Variants in SYN3 observed in about 807,000 individuals in gnomAD.
The protein encoded by SYN3 is synapsin III.
A neutral mutation model predicts 65.8 loss-of-function variants in SYN3; 35 were observed. The ratio of observed to expected loss-of-function variants is 0.53; its 90% CI spans 0.41 to 0.70. The LOEUF (loss-of-function observed/expected upper bound fraction) is 0.70, where lower values mean the gene tolerates loss of function less well. SYN3 is among the 30% of genes least tolerant of loss of function. The pLI, the probability that SYN3 is intolerant of heterozygous loss-of-function variation, is 0.00. For synonymous variants in SYN3, 270 were observed against 292.9 expected (o/e 0.92, Z 0.80); for missense variants, 680 against 749.0 (o/e 0.91, Z 1.08).
intron 6 of SYN3, among the ~76,000 whole-genome samples, chr22:32,699,813 A>G (rs1209165262): frequency 6.6e-6 from 1 of 152,164 alleles, no homozygotes; most frequent in Non-Finnish European, 1.5e-5. Context: ...TAATGGGAAT[A>G]TCAGAGTCTA....
At chr22:32,776,095 C>T (rs1028224225) in intron 6 of SYN3, among the ~76,000 whole-genome samples, 3 of 152,060 alleles carry the variant, frequency 2.0e-5, no homozygotes, top group African/African-American at 4.8e-5. Context: ...TCACAGAGGA[C>T]GAGGCCAGGC....
intron 4 of SYN3, among the ~76,000 whole-genome samples, chr22:32,876,172 C>T (rs1029987815): frequency 1.3e-5 from 2 of 152,118 alleles, no homozygotes; most frequent in African/African-American, 2.4e-5. Flanking sequence ...TCTGCTGAGG[C>T]CCCCTTCCTA....
chr22:32,850,990 T>G (rs12168216), intron 6 of SYN3, among the ~76,000 whole-genome samples: 8,316 of 152,220 alleles, frequency 0.055, 274 homozygotes, highest in Middle Eastern at 0.085. Flanking sequence ...TTTGCAAACA[T>G]CCACAGCCTT....
At chr22:32,594,540 T>G (rs979947732) in intron 7 of SYN3, among the ~76,000 whole-genome samples, 2 of 151,480 alleles carry the variant, frequency 1.3e-5, no homozygotes, top group Admixed American at 6.6e-5. Flanking sequence ...CAGGCTGGAG[T>G]GCAATGGCGT....
chr22:32,604,005 C>T (rs1192792003), intron 6 of SYN3, among the ~76,000 whole-genome samples: 1 of 152,234 alleles, frequency 6.6e-6, no homozygotes, highest in African/African-American at 2.4e-5. Flanking sequence ...AGTGCCTATG[C>T]TGGGTGTTCC....
At chr22:32,641,502 G>GA (rs1291516080) in intron 6 of SYN3, among the ~76,000 whole-genome samples, 2 of 151,786 alleles carry the variant, frequency 1.3e-5, no homozygotes, top group African/African-American at 4.8e-5. Context: ...CAGCTACTCG[G>GA]GAGGCTGAGG....
At chr22:32,962,299 C>A (rs2051680701) in intron 3 of SYN3, among the ~76,000 whole-genome samples, 1 of 151,878 alleles carries the variant, frequency 6.6e-6, no homozygotes, top group African/African-American at 2.4e-5. Context: ...CCTCACCCGG[C>A]TAATTTTTGT....
At chr22:32,870,789 CT>C (rs1189791855) in intron 4 of SYN3, among the ~76,000 whole-genome samples, 3 of 152,178 alleles carry the variant, frequency 2.0e-5, no homozygotes, top group Non-Finnish European at 2.9e-5. Flanking sequence ...AAATTAAATG[CT>C]TTTTATTAAC....
intron 6 of SYN3, among the ~76,000 whole-genome samples, chr22:32,792,138 A>C (rs1245325339): frequency 1.3e-5 from 2 of 152,196 alleles, no homozygotes; most frequent in Non-Finnish European, 2.9e-5. Flanking sequence ...TCTTCATGAA[A>C]ATCCTACGAG....
intron 6 of SYN3, among the ~76,000 whole-genome samples, chr22:32,614,047 A>G (rs2059482225): frequency 6.6e-6 from 1 of 152,204 alleles, no homozygotes; most frequent in East Asian, 1.9e-4. Flanking sequence ...AATAGGGCTA[A>G]AAGTAGGATG....
At chr22:33,044,844 CTTT>C (rs1302960357) in intron 1 of SYN3, among the ~76,000 whole-genome samples, 5 of 134,904 alleles carry the variant, frequency 3.7e-5, no homozygotes, top group Admixed American at 8.1e-5. Context: ...GATGATTCTT[CTTT>C]TTTTTTTTTT....
chr22:32,970,461 G>A (rs2051982462), intron 3 of SYN3, among the ~76,000 whole-genome samples: 1 of 142,712 alleles, frequency 7.0e-6, no homozygotes, highest in African/African-American at 2.6e-5. Flanking sequence ...GGGCAACATA[G>A]CAAGACCCCG....
rs1374672389 is a variant in SYN3 at position 32,865,100 on chromosome 22, G to A, written c.622-96C>T. 12 of 994,986 alleles carry A rather than the reference G, an allele frequency of 1.2e-5. No homozygotes were observed. The South Asian group carries it at 1.3e-4, about 11-fold the overall frequency. 61.6% of individuals were successfully genotyped at this position (994,986 alleles called of 1,614,324 possible). On this transcript the variant is annotated intron_variant, in intron 5 of 13. Coordinates refer to ENST00000358763, the MANE Select transcript of SYN3 (RefSeq NM_003490.4). ...GAGGCCTCAAGCATCTGACTGTTCT[G>A]AGCCGAGCTTCAGTAGGTGCTATCC...
chr22:32,888,892 A>T (rs922055084), intron 4 of SYN3, among the ~76,000 whole-genome samples: 9 of 152,224 alleles, frequency 5.9e-5, no homozygotes, highest in Non-Finnish European at 1.0e-4. Context: ...ATTTCAGATG[A>T]GGGATACTTG....
chr22:33,052,675 C>G (rs548623016), intron 1 of SYN3, among the ~76,000 whole-genome samples: 2 of 152,046 alleles, frequency 1.3e-5, no homozygotes, highest in Non-Finnish European at 2.9e-5. Flanking sequence ...ATAGCTGAAG[C>G]AAGAGAAACA....
intron 13 of SYN3, among the ~76,000 whole-genome samples, chr22:32,517,262 A>G (rs1382337603): frequency 1.3e-5 from 2 of 152,246 alleles, no homozygotes; most frequent in East Asian, 3.8e-4. Flanking sequence ...CTGGGCCTCA[A>G]GAGGCCTTGC....
intron 6 of SYN3, among the ~76,000 whole-genome samples, chr22:32,691,598 C>T (rs1299025783): frequency 6.6e-6 from 1 of 152,158 alleles, no homozygotes; most frequent in Admixed American, 6.6e-5. Context: ...AGGGTGAAGA[C>T]TGGGATTGGG....
At chr22:32,832,777 G>C (rs1412725454) in intron 6 of SYN3, among the ~76,000 whole-genome samples, 1 of 151,904 alleles carries the variant, frequency 6.6e-6, no homozygotes, top group Non-Finnish European at 1.5e-5. Context: ...CGTTCAGCTG[G>C]AGTGCAGTGG....
At chr22:32,787,350 T>C (rs2046221632) in intron 6 of SYN3, among the ~76,000 whole-genome samples, 1 of 152,162 alleles carries the variant, frequency 6.6e-6, no homozygotes, top group South Asian at 2.1e-4. Flanking sequence ...ACCCAACCCT[T>C]TCTACTGTTT....
Sources: allele counts gnomAD v4.1 joint callset (sites outside exome capture counted in the v4.1 genomes callset), GRCh38; gene constraint gnomAD v4.1.1; transcripts MANE v1.5; gene names NCBI Gene and HGNC (gene_info 2026-07-23, HGNC 2026-07-21).